FILIP1L: variants seen among roughly 807,000 people sequenced by gnomAD.
The protein encoded by FILIP1L is filamin A interacting protein 1 like, also known as filamin A-interacting protein 1-like.
FILIP1L carries 55 observed loss-of-function variants against 96.6 expected under a neutral mutation model. That is an observed-to-expected ratio of 0.57 (90% confidence interval 0.46 to 0.71). The LOEUF (loss-of-function observed/expected upper bound fraction) is 0.71. Ranked by LOEUF, FILIP1L falls within the 30% of genes least tolerant of loss-of-function variation. FILIP1L has a pLI of 0.00. For missense variants in FILIP1L, 1,304 were observed against 1,321.2 expected, an observed-to-expected ratio of 0.99 and a Z score of 0.20; for synonymous variants, 467 against 473.9, an observed-to-expected ratio of 0.99 and a Z score of 0.19.
chr3:99,934,138 C>G (rs1278206938), intron 1 of FILIP1L, among the ~76,000 whole-genome samples: 1 of 152,158 alleles, frequency 6.6e-6, no homozygotes, highest in Non-Finnish European at 1.5e-5. Flanking sequence ...GGATAACATT[C>G]CAAGAACGTG....
chr3:99,945,776 A>G (rs1707989702), intron 1 of FILIP1L, among the ~76,000 whole-genome samples: 1 of 152,240 alleles, frequency 6.6e-6, no homozygotes, highest in Admixed American at 6.5e-5. Flanking sequence ...GGAAGCCTTC[A>G]TAAGGAAAGA....
At chr3:100,010,917 G>A (rs1187682371) in intron 1 of FILIP1L, among the ~76,000 whole-genome samples, 11 of 150,686 alleles carry the variant, frequency 7.3e-5, no homozygotes, top group Admixed American at 5.3e-4. Context: ...GTGAGCCACC[G>A]CGCCCAGCTG....
Position 99,882,979 on chromosome 3 carries a change from T to C in FILIP1L, c.606-31909A>G, listed in dbSNP as rs959704557. 9.9e-5 allele frequency among the ~76,000 whole-genome samples: 15 copies of C among 152,242 alleles called. 1 individual carries two copies. The highest frequency in any genetic ancestry group is 4.4e-5 in the Non-Finnish European group (3 of 68,044). On this transcript the variant is annotated intron_variant, in intron 4 of 5. Transcript: ENST00000477258. ...TTTAATATAAATTTCTGTGTTATCA[T>C]GTAACACCATTATCTTGCATGCTTG... is the stretch of plus-strand genomic sequence containing the variant.
intron 4 of FILIP1L, among the ~76,000 whole-genome samples, chr3:99,893,589 G>T (rs1340268747): frequency 6.6e-6 from 1 of 152,084 alleles, no homozygotes; most frequent in Non-Finnish European, 1.5e-5. Context: ...AGGTTTTATG[G>T]ATCTTTTTAC....
chr3:99,896,138 T>C (rs1706244600), intron 4 of FILIP1L, among the ~76,000 whole-genome samples: 1 of 152,152 alleles, frequency 6.6e-6, no homozygotes, highest in South Asian at 2.1e-4. Flanking sequence ...AACAGAAGTG[T>C]GAATAACTGC....
chr3:99,897,483 G>A lies in FILIP1L; in HGVS notation c.605+26747C>T, dbSNP rs139337481. ...CCATTATATACCTCAACTAATTTGT[G>A]TTCATTTGCCTGACACCAAATTTTG... is the stretch of plus-strand genomic sequence containing the variant. On this transcript the variant is annotated intron_variant, in intron 4 of 5. Transcript: ENST00000477258. 2.1e-3 allele frequency among the ~76,000 whole-genome samples: 316 copies of A among 152,104 alleles called. 2 individuals carry two copies. Among genetic ancestry groups the A allele is most frequent in the Middle Eastern group, 0.01 (3 of 294 alleles).
At chr3:99,854,619 A>T (rs906362407) in intron 4 of FILIP1L, among the ~76,000 whole-genome samples, 1 of 152,168 alleles carries the variant, frequency 6.6e-6, no homozygotes, top group Non-Finnish European at 1.5e-5. Flanking sequence ...TGTGCACTAC[A>T]AGATGTTTAG....
At chr3:99,902,605 A>T (rs1034661719) in intron 4 of FILIP1L, among the ~76,000 whole-genome samples, 10 of 152,238 alleles carry the variant, frequency 6.6e-5, no homozygotes, top group African/African-American at 2.4e-4. Context: ...GAAACCTTGG[A>T]TTATAGTCCA....
intron 1 of FILIP1L, among the ~76,000 whole-genome samples, chr3:99,981,695 G>A (rs886616098): frequency 3.3e-5 from 5 of 152,160 alleles, no homozygotes; most frequent in African/African-American, 1.2e-4. Flanking sequence ...AAAAAAATTG[G>A]TTGGAATTAG....
chr3:100,055,416 A>C (rs1036131943), intron 1 of FILIP1L, among the ~76,000 whole-genome samples: 8 of 152,218 alleles, frequency 5.3e-5, no homozygotes, highest in Admixed American at 4.6e-4. Flanking sequence ...GGAAATTCCT[A>C]GGACATGTTA....
At chr3:99,896,595 T>G (rs1490146044) in intron 4 of FILIP1L, among the ~76,000 whole-genome samples, 1 of 152,168 alleles carries the variant, frequency 6.6e-6, no homozygotes, top group African/African-American at 2.4e-5. Flanking sequence ...AGGAAGTAGT[T>G]AACAACAACT....
chr3:99,929,644 A>T (rs1707411875), intron 3 of FILIP1L, among the ~76,000 whole-genome samples: 1 of 152,054 alleles, frequency 6.6e-6, no homozygotes, highest in African/African-American at 2.4e-5. Flanking sequence ...ATTTTGGTTG[A>T]TTCAAGCAAC....
chr3:100,046,885 C>T (rs997417246), intron 1 of FILIP1L, among the ~76,000 whole-genome samples: 2 of 152,078 alleles, frequency 1.3e-5, no homozygotes, highest in African/African-American at 2.4e-5. Flanking sequence ...TTCCATGGTT[C>T]AGGACTACTG....
intron 4 of FILIP1L, among the ~76,000 whole-genome samples, chr3:99,853,798 A>G (rs529209482): frequency 3.4e-4 from 52 of 152,310 alleles, no homozygotes; most frequent in African/African-American, 1.3e-3. Context: ...TGAGCGCACC[A>G]TAGGACAGTC....
At chr3:99,929,792 A>T in intron 3 of FILIP1L, 64 bp downstream of exon 3, 1 of 1,230,620 alleles carries the variant, frequency 8.1e-7, no homozygotes. Flanking sequence ...GTTACAGATC[A>T]TGCTCATCTG....
intron 1 of FILIP1L, among the ~76,000 whole-genome samples, chr3:99,995,954 C>T (rs183453388): frequency 6.6e-6 from 1 of 152,188 alleles, no homozygotes; most frequent in Non-Finnish European, 1.5e-5. Flanking sequence ...CTCTGACATG[C>T]CCTGGAGACA....
At chr3:99,946,282 A>G (rs1019745871) in intron 1 of FILIP1L, among the ~76,000 whole-genome samples, 1 of 152,250 alleles carries the variant, frequency 6.6e-6, no homozygotes, top group African/African-American at 2.4e-5. Context: ...AATTTGTTAT[A>G]GGCTTTTATA....
intron 1 of FILIP1L, among the ~76,000 whole-genome samples, chr3:100,104,656 C>T (rs1383286564): frequency 1.3e-5 from 2 of 152,102 alleles, no homozygotes; most frequent in East Asian, 3.9e-4. Flanking sequence ...AGGGCCTTTT[C>T]CTGTTTTGCA....
At chr3:99,879,552 T>C (rs1467708974) in intron 4 of FILIP1L, among the ~76,000 whole-genome samples, 1 of 152,222 alleles carries the variant, frequency 6.6e-6, no homozygotes, top group African/African-American at 2.4e-5. Context: ...TTCTTTTGAC[T>C]GGTCATGTCT....
Sources: allele counts gnomAD v4.1 joint callset (sites outside exome capture counted in the v4.1 genomes callset), GRCh38; gene constraint gnomAD v4.1.1; transcripts MANE v1.5; gene names NCBI Gene and HGNC (gene_info 2026-07-23, HGNC 2026-07-21).